The following BCAS3 variants were observed in gnomAD, a reference collection of about 807,000 sequenced individuals.
The protein encoded by BCAS3 is BCAS4/BCAS3 fusion.
In BCAS3, 53 loss-of-function variants were observed where a neutral mutation model predicts 116.1. That is an observed-to-expected ratio of 0.46 (90% CI 0.37 to 0.57). BCAS3 has a LOEUF of 0.57. Among genes scored for constraint, BCAS3 ranks in the 20% least tolerant of loss-of-function variants. The pLI is 0.00. For synonymous variants in BCAS3, 391 were observed against 408.2 expected (o/e 0.96, Z 0.51); for missense variants, 917 against 1,165.4 (o/e 0.79, Z 3.10).
At position 61,235,948 on chromosome 17, in the gene BCAS3, G is replaced by A. The variant is rs1037312637; in HGVS notation, c.2426-132379G>A. 1.3e-5 allele frequency among the ~76,000 whole-genome samples: 2 copies of A among 152,172 alleles called. No homozygotes were observed. Among genetic ancestry groups the A allele is most frequent in the Non-Finnish European group, 2.9e-5 (2 of 68,038 alleles). On this transcript the variant is annotated intron_variant, in intron 22 of 23. Coordinates refer to ENST00000407086, the MANE Select transcript of BCAS3 (RefSeq NM_017679.5). This position sits in a 1 kb window ranked among gnomAD's most constrained non-coding sequence, Gnocchi z 5.0. ...CTGTTTTTGAACATACTCAAACAAAGGCTGATTATCCAAACAAGAATTTGG... is the reference window on the plus strand; with the variant it reads ...CTGTTTTTGAACATACTCAAACAAAAGCTGATTATCCAAACAAGAATTTGG...
rs1303578406 is a variant in BCAS3 at position 61,211,167 on chromosome 17, A to C, written c.2425+126603A>C. ...ATTCAGAAGAAATGGAATGACGTTA[A>C]AATTCTCCCAAAAAAGGTTGGAACC... On this transcript the variant is annotated intron_variant, in intron 22 of 23. Coordinates refer to ENST00000407086, the MANE Select transcript of BCAS3 (RefSeq NM_017679.5). The surrounding 1 kb of genome is among the most constrained non-coding windows in gnomAD (Gnocchi z 4.4). Among the ~76,000 whole-genome samples, 1 of 152,134 alleles carries C rather than the reference A, an allele frequency of 6.6e-6. No homozygotes were observed. The highest frequency in any genetic ancestry group is 1.5e-5 in the Non-Finnish European group (1 of 68,016).
chr17:61,375,457 T>C (rs2059290729), intron 23 of BCAS3, among the ~76,000 whole-genome samples: 1 of 152,126 alleles, frequency 6.6e-6, no homozygotes, highest in Admixed American at 6.5e-5. Context: ...CTGGGAACTT[T>C]TTCAATCTAA....
At chr17:61,237,450 C>A (rs564731285) in intron 22 of BCAS3, among the ~76,000 whole-genome samples, 1 of 152,200 alleles carries the variant, frequency 6.6e-6, no homozygotes, top group African/African-American at 2.4e-5. Context: ...TGGCCATCCC[C>A]GCCAGCAGCG....
rs549772275 is a variant in BCAS3, at chr17:60,682,603, A to C, written c.84-1379A>C. 3.3e-5 allele frequency among the ~76,000 whole-genome samples: 5 copies of C among 152,048 alleles called. No homozygotes were observed. The East Asian group carries it at 7.7e-4, about 24-fold the overall frequency. On this transcript the variant is annotated intron_variant, in intron 2 of 23. Coordinates refer to ENST00000407086, the MANE Select transcript of BCAS3 (RefSeq NM_017679.5). ...AGTGGCGCGGTCTTGACTCACTGCA[A>C]CCTCCACCTCTTGGGTTCAAGTGAT...
chr17:60,915,190 C>G (rs1260568511), intron 12 of BCAS3, among the ~76,000 whole-genome samples: 1 of 152,036 alleles, frequency 6.6e-6, no homozygotes, highest in Non-Finnish European at 1.5e-5. Context: ...CCAGCTTAAC[C>G]TGAATGATGA....
rs568748024 is a variant in BCAS3, at chr17:61,008,130, G to C, written c.1487-7621G>C. On this transcript the variant is annotated intron_variant, in intron 15 of 23. Transcript: ENST00000407086. The surrounding 1 kb of genome is among the most constrained non-coding windows in gnomAD (Gnocchi z 4.6). ...GCTCCTGTGAACAAGCATTGCTTCC[G>C]CCCAGTTTGGTATGTGGGTCAGAAG... Among the ~76,000 whole-genome samples, 1 of 152,032 alleles carries C rather than the reference G, an allele frequency of 6.6e-6. No individual in the cohort carries two copies. Among genetic ancestry groups the C allele is most frequent in the Non-Finnish European group, 1.5e-5 (1 of 67,980 alleles).
chr17:61,044,465 A>AAAATATATATATAT, intron 19 of BCAS3, among the ~76,000 whole-genome samples: 5 of 120,124 alleles, frequency 4.2e-5, no homozygotes, highest in African/African-American at 2.5e-4. Context: ...AAAAAAAAAA[A>AAAATATATATATAT]ATATATATAT....
At position 61,386,919 on chromosome 17, in the gene BCAS3, C is replaced by T. The variant is rs1364786265; in HGVS notation, c.2594-5058C>T. Among the ~76,000 whole-genome samples the T allele has an allele frequency of 2.6e-5, 4 of 151,892 alleles. No homozygotes were observed. The East Asian group carries it at 7.8e-4, about 30-fold the overall frequency. On this transcript the variant is annotated intron_variant, in intron 23 of 23. Coordinates refer to ENST00000407086, the MANE Select transcript of BCAS3 (RefSeq NM_017679.5). ...TCAGCCTCCTGAGTAGCTGGGATTA[C>T]AGGCACGTGCTACCACACCTGGCTA...
chr17:60,944,409 C>T (rs1169005735), intron 13 of BCAS3, among the ~76,000 whole-genome samples: 1 of 151,918 alleles, frequency 6.6e-6, no homozygotes. Context: ...CAAAAATAGG[C>T]CCAAATATTT....
chr17:61,234,644 C>T (rs2082885705), intron 22 of BCAS3, among the ~76,000 whole-genome samples: 1 of 152,178 alleles, frequency 6.6e-6, no homozygotes, highest in South Asian at 2.1e-4. Flanking sequence ...GAGCTCACTT[C>T]ATTTCCCACT....
At chr17:60,718,885 C>T (rs1320230088) in intron 5 of BCAS3, among the ~76,000 whole-genome samples, 6 of 151,984 alleles carry the variant, frequency 3.9e-5, no homozygotes, top group South Asian at 2.1e-4. Context: ...CATGGTGAAA[C>T]GCAGTCTCTA....
chr17:61,181,885 T>C lies in BCAS3; in HGVS notation c.2425+97321T>C, dbSNP rs949059279. Among the ~76,000 whole-genome samples the C allele has an allele frequency of 6.6e-6, 1 of 151,608 alleles. No individual in the cohort carries two copies. The highest frequency in any genetic ancestry group is 1.9e-4 in the East Asian group (1 of 5,174). ...CTTGCTTTTTCCTTCTTTTTTTTTTTAATCTTGAGACACGGTCTCACTCCG... is the reference window on the plus strand; with the variant it reads ...CTTGCTTTTTCCTTCTTTTTTTTTTCAATCTTGAGACACGGTCTCACTCCG... On this transcript the variant is annotated intron_variant, in intron 22 of 23. Transcript: ENST00000407086. The surrounding 1 kb of genome is among the most constrained non-coding windows in gnomAD (Gnocchi z 5.0).
At chr17:61,067,729 A>AAC (rs1555697094) in intron 19 of BCAS3, among the ~76,000 whole-genome samples, 2 of 141,244 alleles carry the variant, frequency 1.4e-5, no homozygotes, top group Non-Finnish European at 3.0e-5. Context: ...AAACAAACAA[A>AAC]AAAAAAAAAA....
rs1568263239 is a variant in BCAS3, at chr17:61,063,908, C to A, written c.2030-11012C>A. ...CTTGTCCCTTCTTAAAACGAACTAT[C>A]CATTTGTAAACTGCTGATTTCTCTG... On this transcript the variant is annotated intron_variant, in intron 19 of 23. Transcript: ENST00000407086. The surrounding 1 kb of genome is among the most constrained non-coding windows in gnomAD (Gnocchi z 5.3). 6.6e-6 allele frequency among the ~76,000 whole-genome samples: 1 copy of A among 152,160 alleles called. No homozygotes were observed. Among genetic ancestry groups the A allele is most frequent in the East Asian group, 1.9e-4 (1 of 5,200 alleles).
intron 6 of BCAS3, among the ~76,000 whole-genome samples, chr17:60,753,043 C>G (rs1247720293): frequency 6.6e-6 from 1 of 152,110 alleles, no homozygotes; most frequent in African/African-American, 2.4e-5. Context: ...GAGGTCTTGC[C>G]ATGTTGCCCA....
At chr17:61,148,847 T>C (rs2077389798) in intron 22 of BCAS3, among the ~76,000 whole-genome samples, 1 of 152,224 alleles carries the variant, frequency 6.6e-6, no homozygotes, top group African/African-American at 2.4e-5. Flanking sequence ...AATGTACTGT[T>C]TGGTTAAAGC....
chr17:60,843,880 G>A (rs1330462946), intron 7 of BCAS3, among the ~76,000 whole-genome samples: 1 of 152,128 alleles, frequency 6.6e-6, no homozygotes, highest in Non-Finnish European at 1.5e-5. Context: ...TGTTCAGTAG[G>A]TGTCTTTACC....
At chr17:61,294,117 C>T (rs2052679736) in intron 22 of BCAS3, among the ~76,000 whole-genome samples, 1 of 152,202 alleles carries the variant, frequency 6.6e-6, no homozygotes, top group African/African-American at 2.4e-5. Context: ...TAGAGTATTT[C>T]ATCCTTGTAT....
chr17:60,929,616 T>G (rs2059536903), intron 13 of BCAS3, among the ~76,000 whole-genome samples: 1 of 151,820 alleles, frequency 6.6e-6, no homozygotes, highest in African/African-American at 2.4e-5. Flanking sequence ...ATGTGCACAA[T>G]GTGCAGGTTA....
Sources: allele counts gnomAD v4.1 joint callset (sites outside exome capture counted in the v4.1 genomes callset), GRCh38; gene constraint gnomAD v4.1.1; non-coding constraint Gnocchi (gnomAD v3.1); transcripts MANE v1.5; gene names NCBI Gene and HGNC (gene_info 2026-07-23, HGNC 2026-07-21).